The following ZNF233 variants were observed in gnomAD, a reference collection of about 807,000 sequenced individuals.
The protein encoded by ZNF233 is zinc finger protein 233.
A neutral mutation model predicts 11.6 loss-of-function variants in ZNF233; 7 were observed. That is an observed-to-expected ratio of 0.60 (90% CI 0.34 to 1.13). ZNF233 has a LOEUF of 1.13. Among genes scored for constraint, ZNF233 ranks in the 50% most tolerant of loss-of-function variants. The pLI is 0.03. For synonymous variants in ZNF233, 226 were observed against 268.5 expected (o/e 0.84, Z 1.55); for missense variants, 711 against 785.5 (o/e 0.91, Z 1.13).
intron 1 of ZNF233, among the ~76,000 whole-genome samples, chr19:44,261,125 C>T (rs1036048393): frequency 6.6e-6 from 1 of 152,078 alleles, no homozygotes; most frequent in African/African-American, 2.4e-5. Context: ...GACCTTTGTG[C>T]CACTCTCCTT....
chr19:44,275,020 T>C lies in ZNF233; in HGVS notation c.*347T>C. 1 of 407,794 alleles carries C rather than the reference T, an allele frequency of 2.5e-6. No homozygotes were observed. The highest frequency in any genetic ancestry group is 4.3e-6 in the Non-Finnish European group (1 of 230,534). The allele number at this position is 407,794 out of a possible 1,614,324, so 25.3% of individuals were successfully genotyped here. A position where few individuals can be genotyped will look rare whatever the true frequency, so the allele number is the denominator to read the frequency against. On this transcript the variant is annotated 3_prime_UTR_variant, in exon 5 of 5. Coordinates refer to ENST00000683810, the MANE Select transcript of ZNF233 (RefSeq NM_001207005.2). ...CAAAATGATAAGTAAGGTCAGAATT[T>C]AGCAAAAGTATAATGAGGGACATGA... is the stretch of plus-strand genomic sequence containing the variant.
In ZNF233 at chr19:44,263,604, A is replaced by AT. The variant is rs1599871718; in HGVS notation, c.-47-709dup. Among the ~76,000 whole-genome samples, 4 of 152,368 alleles carry AT rather than the reference A, an allele frequency of 2.6e-5. No individual in the cohort carries two copies. The East Asian group carries it at 5.8e-4, about 22-fold the overall frequency. On this transcript the variant is annotated intron_variant, in intron 1 of 4. Transcript: ENST00000683810. ...TCTCCTGGCTACATGAAGAAAATTC[A>AT]TAAGTATTTATACCTTTTACAAAAC...
Position 44,274,621 on chromosome 19 carries a change from G to A in ZNF233, c.1961G>A (p.Gly654Asp). Residue 654 changes from glycine to aspartate, a missense_variant, in exon 5 of 5, where the codon GGT becomes GAT. Coordinates refer to ENST00000683810, the MANE Select transcript of ZNF233 (RefSeq NM_001207005.2). ...AAACCATACAAATGTTTTGTGTGTG[G>A]TAAGGGCTTTAGTAAGAGTTCGTTG... Reference protein sequence around the residue: ...GEKPYKCFVCGKGFSKSSLSS... With the variant: ...GEKPYKCFVCDKGFSKSSLSS... 1 of 1,604,378 alleles carries A rather than the reference G, an allele frequency of 6.2e-7. No homozygotes were observed. Among genetic ancestry groups the A allele is most frequent in the Non-Finnish European group, 8.5e-7 (1 of 1,178,950 alleles).
At chr19:44,268,871 C>T (rs1332066505) in intron 4 of ZNF233, among the ~76,000 whole-genome samples, 2 of 152,094 alleles carry the variant, frequency 1.3e-5, no homozygotes, top group Admixed American at 1.3e-4. Flanking sequence ...CTAAAATACA[C>T]TAATTAAAGT....
In ZNF233 at chr19:44,273,499, A is replaced by C; in HGVS notation, c.839A>C (p.His280Pro). The change falls in exon 5 of 5, where the codon CAC (histidine) becomes CCC (proline). Residue 280 changes from histidine (H) to proline (P), a missense_variant. Physicochemically the swap from His to Pro is moderately conservative, Grantham distance 77. Coordinates refer to ENST00000683810, the MANE Select transcript of ZNF233 (RefSeq NM_001207005.2). Reference protein sequence around the residue: ...GSNLELHQQLHLRDKPHVNVE... With the variant: ...GSNLELHQQLPLRDKPHVNVE... ...AATCTTGAACTTCACCAGCAACTAC[A>C]CTTAAGAGACAAGCCTCATGTAAAT... 6.2e-7 allele frequency: 1 copy of C among 1,614,204 alleles called. No homozygotes were observed. The highest frequency in any genetic ancestry group is 8.5e-7 in the Non-Finnish European group (1 of 1,180,048).
Position 44,273,528 on chromosome 19 carries a change from G to A in ZNF233, c.868G>A (p.Glu290Lys), listed in dbSNP as rs751810502. ...AAGAGACAAGCCTCATGTAAATGTT[G>A]AGTACGGGAAGGGCATAGGTTACAG... ...HLRDKPHVNV[E>K]YGKGIGYSSG... is the part of the protein sequence containing the mutation. The change falls in exon 5 of 5, where the codon GAG becomes AAG. Residue 290 changes from glutamate to lysine, a missense_variant. Glu to Lys is a moderately conservative substitution (Grantham distance 56). Transcript: ENST00000683810. The A allele has an allele frequency of 6.2e-7, 1 of 1,614,202 alleles. No individual in the cohort carries two copies. The highest frequency in any genetic ancestry group is 8.5e-7 in the Non-Finnish European group (1 of 1,180,042).
intron 2 of ZNF233, among the ~76,000 whole-genome samples, chr19:44,264,582 AG>A (rs1335814009): frequency 1.3e-5 from 2 of 152,172 alleles, no homozygotes; most frequent in Non-Finnish European, 2.9e-5. Flanking sequence ...TTATTTCACA[AG>A]TAGTAGTGCA....
intron 4 of ZNF233, among the ~76,000 whole-genome samples, chr19:44,272,243 A>G (rs1454520868): frequency 8.7e-5 from 13 of 149,324 alleles, no homozygotes; most frequent in Admixed American, 8.7e-4. Context: ...AAAAAAAAAA[A>G]TCCTCTCCTC....
At chr19:44,267,755 T>C (rs150503862) in intron 4 of ZNF233, 57 of 216,280 alleles carry the variant, frequency 2.6e-4, no homozygotes, top group Non-Finnish European at 4.6e-4. Context: ...ATACATCCTC[T>C]TGGCTCCCAG....
intron 1 of ZNF233, among the ~76,000 whole-genome samples, chr19:44,262,872 G>C (rs1039282432): frequency 6.6e-6 from 1 of 152,108 alleles, no homozygotes; most frequent in African/African-American, 2.4e-5. Flanking sequence ...ATTTTCAGCA[G>C]TTCATACCCT....
rs1975280595 is a variant in ZNF233 at position 44,273,013 on chromosome 19, G to T, written c.353G>T (p.Ser118Ile). ...IWEQFTSKLT[S>I]NQDLIINLQG... ...GAACAATTTACAAGTAAATTAACCA[G>T]TAATCAAGACCTAATAATAAATCTT... Residue 118 changes from serine to isoleucine, a missense_variant, in exon 5 of 5, where the codon AGT (serine) becomes ATT (isoleucine). Physicochemically the swap from Ser to Ile is moderately radical, Grantham distance 142. Transcript: ENST00000683810. The T allele has an allele frequency of 6.2e-7, 1 of 1,613,890 alleles. No homozygotes were observed. The highest frequency in any genetic ancestry group is 1.3e-5 in the African/African-American group (1 of 74,910).
chr19:44,261,866 G>C (rs1026157041), intron 1 of ZNF233, among the ~76,000 whole-genome samples: 2 of 151,928 alleles, frequency 1.3e-5, no homozygotes, highest in African/African-American at 4.8e-5. Flanking sequence ...TGGCCAGGCT[G>C]GTCTCGAACT....
Position 44,274,687 on chromosome 19 carries a change from A to G in ZNF233, c.*14A>G, listed in dbSNP as rs772069307. Reference sequence around the variant, plus strand: ...GAGAGTCCATGATGGTGATGAATCTATTAATCATGATGAGTGTGATAGGGG... The same window carrying G: ...GAGAGTCCATGATGGTGATGAATCTGTTAATCATGATGAGTGTGATAGGGG... On this transcript the variant is annotated 3_prime_UTR_variant, in exon 5 of 5. Coordinates refer to ENST00000683810, the MANE Select transcript of ZNF233 (RefSeq NM_001207005.2). 1.3e-6 allele frequency: 2 copies of G among 1,565,878 alleles called. No homozygotes were observed. The highest frequency in any genetic ancestry group is 1.2e-5 in the South Asian group (1 of 83,472).
At chr19:44,267,421 G>T in intron 4 of ZNF233, 1 of 397,246 alleles carries the variant, frequency 2.5e-6, no homozygotes, top group South Asian at 1.3e-4. Flanking sequence ...GTGCAATCAT[G>T]GTACACTGCA....
In ZNF233 at chr19:44,274,625, G is replaced by A; in HGVS notation, c.1965G>A (p.Lys655=). 1.3e-6 allele frequency: 2 copies of A among 1,599,832 alleles called. No homozygotes were observed. Among genetic ancestry groups the A allele is most frequent in the Non-Finnish European group, 1.7e-6 (2 of 1,178,326 alleles). ...EKPYKCFVCG[K]GFSKSSLSSD... ...CATACAAATGTTTTGTGTGTGGTAA[G>A]GGCTTTAGTAAGAGTTCGTTGTCTT... The change falls in exon 5 of 5, where the codon AAG becomes AAA. Residue 655 remains lysine (K), a synonymous_variant. Coordinates refer to ENST00000683810, the MANE Select transcript of ZNF233 (RefSeq NM_001207005.2).
Position 44,270,662 on chromosome 19 carries a change from G to A in ZNF233, c.239-2237G>A, listed in dbSNP as rs144206076. 8.3e-4 allele frequency among the ~76,000 whole-genome samples: 127 copies of A among 152,250 alleles called. 1 individual carries two copies. Among genetic ancestry groups the A allele is most frequent in the African/African-American group, 2.8e-3 (117 of 41,542 alleles). On this transcript the variant is annotated intron_variant, in intron 4 of 4. Coordinates refer to ENST00000683810, the MANE Select transcript of ZNF233 (RefSeq NM_001207005.2). ...TCTCAAAAAGCTGTTAAAGAGTGAC[G>A]GAGCTGCCGTCCCCGGAAGGCTGGA...
At chr19:44,260,641 T>TA (rs1974913152) in intron 1 of ZNF233, among the ~76,000 whole-genome samples, 1 of 152,124 alleles carries the variant, frequency 6.6e-6, no homozygotes, top group Admixed American at 6.5e-5. Context: ...AAACAGAGTT[T>TA]AGATATCTTC....
intron 1 of ZNF233, among the ~76,000 whole-genome samples, chr19:44,263,871 T>C (rs1445950002): frequency 6.6e-6 from 1 of 152,264 alleles, no homozygotes; most frequent in Non-Finnish European, 1.5e-5. Context: ...AAATCAGTTA[T>C]ACGAGTTTCC....
Position 44,266,277 on chromosome 19 carries a change from T to C in ZNF233, c.95T>C (p.Leu32Pro), listed in dbSNP as rs769708116. 2 of 1,611,692 alleles carry C rather than the reference T, an allele frequency of 1.2e-6. No homozygotes were observed. Among genetic ancestry groups the C allele is most frequent in the East Asian group, 4.5e-5 (2 of 44,792 alleles). ...LGLLDLAQRK[L>P]YQDVMLENFR... ...TTGCTGGACCTTGCCCAGAGAAAGC[T>C]GTACCAAGATGTGATGCTGGAGAAC... The change falls in exon 3 of 5, where the codon CTG becomes CCG. Residue 32 changes from leucine to proline, a missense_variant. By Grantham distance (98) the Leu-to-Pro change is moderately conservative. Transcript: ENST00000683810.
Sources: gnomAD v4.1 joint callset for allele counts (sites outside exome capture counted in the v4.1 genomes callset) on GRCh38, gnomAD v4.1.1 for gene constraint, MANE v1.5 for transcripts, NCBI Gene and HGNC (gene_info 2026-07-23, HGNC 2026-07-21) for gene names.